Variants in SLCO1A2 observed in about 807,000 individuals in gnomAD.
SLCO1A2 encodes OATP-1.
SLCO1A2 carries 67 observed loss-of-function variants against 69.0 expected under a neutral mutation model. That is an observed-to-expected ratio of 0.97 (90% confidence interval 0.80 to 1.19). The LOEUF (loss-of-function observed/expected upper bound fraction) is 1.19. SLCO1A2 is among the 50% of genes most tolerant of loss of function. The pLI is 0.00. For synonymous variants in SLCO1A2, 260 were observed against 265.9 expected (o/e 0.98, Z 0.22); for missense variants, 787 against 793.7 (o/e 0.99, Z 0.10).
chr12:21,346,323 G>A (rs1953249942), intron 2 of SLCO1A2, among the ~76,000 whole-genome samples: 2 of 151,904 alleles, frequency 1.3e-5, no homozygotes, highest in Non-Finnish European at 2.9e-5. Context: ...CTTGATCTTC[G>A]AAGAACTCAC....
chr12:21,304,182 G>A (rs1451710465), intron 6 of SLCO1A2, among the ~76,000 whole-genome samples: 1 of 151,988 alleles, frequency 6.6e-6, no homozygotes, highest in African/African-American at 2.4e-5. Flanking sequence ...CAGATGAAAG[G>A]GTCACCTCCA....
intron 2 of SLCO1A2, 83 bp downstream of exon 2, chr12:21,334,505 C>G (rs1156971216): frequency 2.1e-5 from 20 of 950,864 alleles, no homozygotes; most frequent in Non-Finnish European, 3.0e-5. Context: ...TCACTTCATG[C>G]AGATAGGAGC....
chr12:21,330,411 T>C (rs1157247752), intron 2 of SLCO1A2, among the ~76,000 whole-genome samples: 3 of 152,030 alleles, frequency 2.0e-5, no homozygotes, highest in Admixed American at 2.0e-4. Context: ...CTCAGAAGGC[T>C]GAGGGGAGGA....
chr12:21,287,558 A>C (rs932317295), intron 12 of SLCO1A2, among the ~76,000 whole-genome samples: 6 of 145,832 alleles, frequency 4.1e-5, no homozygotes, highest in African/African-American at 1.6e-4. Flanking sequence ...AGACACATGC[A>C]CACGTATGTT....
At chr12:21,309,756 C>A (rs1949873988) in intron 4 of SLCO1A2, among the ~76,000 whole-genome samples, 1 of 151,912 alleles carries the variant, frequency 6.6e-6, no homozygotes. Context: ...AAATGAATAA[C>A]TGAATGTATG....
chr12:21,373,003 A>T (rs1301800362), intron 2 of SLCO1A2: 1 of 277,846 alleles, frequency 3.6e-6, no homozygotes, highest in African/African-American at 2.3e-5. Flanking sequence ...AAACATTAAA[A>T]GGTAAAGAAT....
At chr12:21,389,285 A>G (rs937652341) in intron 1 of SLCO1A2, among the ~76,000 whole-genome samples, 1 of 152,186 alleles carries the variant, frequency 6.6e-6, no homozygotes, top group African/African-American at 2.4e-5. Flanking sequence ...AGCCTCTGCA[A>G]AGCTTATGTT....
chr12:21,406,400 T>A (rs777632044), intron 1 of SLCO1A2, among the ~76,000 whole-genome samples: 6 of 152,198 alleles, frequency 3.9e-5, no homozygotes, highest in Non-Finnish European at 7.3e-5. Context: ...GGACAAAACC[T>A]GGGAATGGCT....
At chr12:21,362,711 CA>C (rs1256538100) in intron 2 of SLCO1A2, among the ~76,000 whole-genome samples, 3 of 152,054 alleles carry the variant, frequency 2.0e-5, no homozygotes, top group Non-Finnish European at 4.4e-5. Flanking sequence ...GAAGATCTAC[CA>C]AGCAAATGGA....
intron 1 of SLCO1A2, among the ~76,000 whole-genome samples, chr12:21,413,012 C>G (rs1178883379): frequency 1.3e-5 from 2 of 152,114 alleles, no homozygotes; most frequent in African/African-American, 4.8e-5. Context: ...ACCTGCTCAT[C>G]TGTTAGAATT....
At chr12:21,414,558 CTTATT>C (rs1941961762) in intron 1 of SLCO1A2, among the ~76,000 whole-genome samples, 1 of 151,920 alleles carries the variant, frequency 6.6e-6, no homozygotes, top group African/African-American at 2.4e-5. Flanking sequence ...ATTTATCAAA[CTTATT>C]TTATTGCCTG....
At chr12:21,305,488 A>C (rs375514778) in intron 5 of SLCO1A2, among the ~76,000 whole-genome samples, 1 of 152,244 alleles carries the variant, frequency 6.6e-6, no homozygotes, top group East Asian at 1.9e-4. Flanking sequence ...GGAAAATAAT[A>C]GTCTCTATTT....
intron 12 of SLCO1A2, among the ~76,000 whole-genome samples, chr12:21,279,767 C>T (rs368712307): frequency 6.6e-6 from 1 of 152,108 alleles, no homozygotes; most frequent in Non-Finnish European, 1.5e-5. Context: ...GTACAAAGAT[C>T]ACTGGAAATA....
At chr12:21,313,790 G>A (rs1950513316) in intron 4 of SLCO1A2, among the ~76,000 whole-genome samples, 1 of 151,186 alleles carries the variant, frequency 6.6e-6, no homozygotes, top group Non-Finnish European at 1.5e-5. Context: ...CTAACACAGT[G>A]AAACCCCGTC....
intron 6 of SLCO1A2, among the ~76,000 whole-genome samples, chr12:21,303,912 C>T (rs1483384272): frequency 1.3e-5 from 2 of 151,942 alleles, no homozygotes; most frequent in East Asian, 3.9e-4. Context: ...AAATGAGGAG[C>T]TTATATGTGT....
intron 1 of SLCO1A2, among the ~76,000 whole-genome samples, chr12:21,417,246 A>G (rs1942003072): frequency 6.6e-6 from 1 of 152,022 alleles, no homozygotes; most frequent in Non-Finnish European, 1.5e-5. Context: ...ACCACAATAT[A>G]TGAATCAGCT....
chr12:21,347,630 G>C (rs577050317), intron 2 of SLCO1A2, among the ~76,000 whole-genome samples: 1 of 104,134 alleles, frequency 9.6e-6, no homozygotes, highest in South Asian at 3.0e-4. Context: ...GGGTGAAAGA[G>C]CAATTCCAAC....
Position 21,273,348 on chromosome 12 carries a change from G to GA in SLCO1A2, c.1793+1120dup, listed in dbSNP as rs146401787. On this transcript the variant is annotated intron_variant, in intron 14 of 14. Transcript: ENST00000683939. ...GGTCATTTACTGTTCCAACATCCTTGAAAATATAGTCCAGAAAAAATGCTC... is the reference window on the plus strand; with the variant it reads ...GGTCATTTACTGTTCCAACATCCTTGAAAAATATAGTCCAGAAAAAATGCTC... 4.2e-3 allele frequency among the ~76,000 whole-genome samples: 641 copies of GA among 152,136 alleles called. 9 individuals carry two copies. Among genetic ancestry groups the GA allele is most frequent in the African/African-American group, 0.015 (616 of 41,504 alleles).
upstream of SLCO1A2, chr12:21,419,259 CGTGAGCGACGCA>C (rs1023368352): frequency 6.3e-6 from 1 of 158,170 alleles, no homozygotes; most frequent in Admixed American, 6.5e-5. Flanking sequence ...CAGCTCCCAG[CGTGAGCGACGCA>C]GAAGACGGGT....
Sources: allele counts gnomAD v4.1 joint callset (sites outside exome capture counted in the v4.1 genomes callset), GRCh38; gene constraint gnomAD v4.1.1; transcripts MANE v1.5; gene names NCBI Gene and HGNC (gene_info 2026-07-23, HGNC 2026-07-21).